Variants in TRPC6 observed in about 807,000 individuals in gnomAD.
TRPC6 encodes transient receptor potential cation channel subfamily C member 6.
TRPC6 carries 55 observed loss-of-function variants against 90.7 expected under a neutral mutation model. That is an observed-to-expected ratio of 0.61 (90% CI 0.49 to 0.76). The LOEUF (loss-of-function observed/expected upper bound fraction) is 0.76, where lower values mean the gene tolerates loss of function less well. Among genes scored for constraint, TRPC6 ranks in the 30% least tolerant of loss-of-function variants. The probability of loss-of-function intolerance (pLI) is 0.00; values close to 1 mark genes in which losing one functional copy is unlikely to be tolerated. For missense variants in TRPC6, 989 were observed against 1,122.7 expected (o/e 0.88, Z 1.70); for synonymous variants, 393 against 393.0 (o/e 1.00, Z 0.00).
At position 101,504,719 on chromosome 11, in the gene TRPC6, G is replaced by A; in HGVS notation, c.250C>T (p.Pro84Ser). The change falls in exon 2 of 13, where the codon CCA becomes TCA. Residue 84 changes from proline to serine, a missense_variant. Around this residue, in one of 4 missense-constraint regions of TRPC6, gnomAD observed 194 missense variants for 136.5 expected, o/e 1.42. Coordinates refer to ENST00000344327, the MANE Select transcript of TRPC6 (RefSeq NM_004621.6). ...GAGCGATCACTAAACATGTATGCTG[G>A]TCCTCGATTAGCTAACCTTCTCCCC... ...EKGRRLANRG[P>S]AYMFSDRSTS... The A allele has an allele frequency of 6.3e-7, 1 of 1,593,904 alleles. No individual in the cohort carries two copies. The highest frequency in any genetic ancestry group is 8.6e-7 in the Non-Finnish European group (1 of 1,169,112).
chr11:101,463,197 T>A (rs973909170), intron 10 of TRPC6, among the ~76,000 whole-genome samples: 48 of 152,220 alleles, frequency 3.2e-4, no homozygotes, highest in African/African-American at 1.2e-3. Flanking sequence ...GATGTGCTGC[T>A]GGATTCGGTT....
At chr11:101,454,878 A>G in intron 11 of TRPC6, 140 bp downstream of exon 11, 3 of 628,866 alleles carry the variant, frequency 4.8e-6, no homozygotes, top group Non-Finnish European at 5.4e-6. Context: ...TGCCTGGTAC[A>G]TGGTAATTAA....
In TRPC6 at chr11:101,583,402, C is replaced by T. The variant is rs1862248272; in HGVS notation, c.102G>A (p.Met34Ile). ...AGCCGTCTTCTCCCAGCTCCGAGTC[C>T]ATGAGCAGATAGTCCTGGCTCTCGT... ...RRNESQDYLLMDSELGEDGCP... is the reference protein window; with the variant it reads ...RRNESQDYLLIDSELGEDGCP... The change falls in exon 1 of 13, where the codon ATG (methionine) becomes ATA (isoleucine). Residue 34 changes from methionine to isoleucine, a missense_variant. This residue lies in a region of TRPC6 where 194 missense variants were observed against 136.5 expected (regional missense o/e 1.42). Coordinates refer to ENST00000344327, the MANE Select transcript of TRPC6 (RefSeq NM_004621.6). 2 of 1,587,470 alleles carry T rather than the reference C, an allele frequency of 1.3e-6. No individual in the cohort carries two copies. The highest frequency in any genetic ancestry group is 1.7e-6 in the Non-Finnish European group (2 of 1,166,782).
intron 1 of TRPC6, among the ~76,000 whole-genome samples, chr11:101,540,003 T>C (rs1376478406): frequency 1.3e-5 from 2 of 152,232 alleles, no homozygotes; most frequent in African/African-American, 4.8e-5. Flanking sequence ...TTTGAAATAC[T>C]AAATCATTTT....
chr11:101,566,557 T>G (rs117229108), intron 1 of TRPC6, among the ~76,000 whole-genome samples: 2,001 of 152,280 alleles, frequency 0.013, 14 homozygotes, highest in South Asian at 0.026. Flanking sequence ...CAAGAATATA[T>G]CACCCAGGTC....
At chr11:101,513,804 G>A (rs889901144) in intron 1 of TRPC6, among the ~76,000 whole-genome samples, 11 of 152,164 alleles carry the variant, frequency 7.2e-5, no homozygotes, top group African/African-American at 2.7e-4. Flanking sequence ...CTTATGTGGA[G>A]GGGGAGAACA....
intron 2 of TRPC6, among the ~76,000 whole-genome samples, chr11:101,493,704 G>A (rs949220673): frequency 6.6e-6 from 1 of 152,146 alleles, no homozygotes; most frequent in South Asian, 2.1e-4. Context: ...ACCCAGAACT[G>A]CAGATTTAAA....
rs202229148 is a variant in TRPC6, at chr11:101,583,636, G to C, written c.-133C>G. On this transcript the variant is annotated 5_prime_UTR_variant, in exon 1 of 13. Transcript: ENST00000344327. ...GGCAGACCGGTGCCCAGGGGACGACGGTGAAGCAGGGGGTGCAGACGCCCG... is the reference window on the plus strand; with the variant it reads ...GGCAGACCGGTGCCCAGGGGACGACCGTGAAGCAGGGGGTGCAGACGCCCG... The C allele has an allele frequency of 1.9e-5, 19 of 1,004,820 alleles. 1 individual carries two copies. Among genetic ancestry groups the C allele is most frequent in the Middle Eastern group, 3.3e-4 (1 of 2,994 alleles). 62.2% of individuals were successfully genotyped at this position (1,004,820 alleles called of 1,614,324 possible). A position where few individuals can be genotyped will look rare whatever the true frequency, so the allele number is the denominator to read the frequency against.
At chr11:101,525,487 A>G (rs1454717918) in intron 1 of TRPC6, among the ~76,000 whole-genome samples, 1 of 152,234 alleles carries the variant, frequency 6.6e-6, no homozygotes, top group East Asian at 1.9e-4. Context: ...GACAACACTC[A>G]TAGTTCTGGC....
chr11:101,535,328 A>G (rs1427161411), intron 1 of TRPC6, among the ~76,000 whole-genome samples: 1 of 152,174 alleles, frequency 6.6e-6, no homozygotes. Flanking sequence ...CAGAAGTAGC[A>G]TGTTCTAGTT....
At chr11:101,558,180 T>A (rs141963668) in intron 1 of TRPC6, among the ~76,000 whole-genome samples, 2 of 146,582 alleles carry the variant, frequency 1.4e-5, no homozygotes, top group African/African-American at 5.1e-5. Context: ...CACAAATATA[T>A]ATAAACATAC....
chr11:101,522,874 C>T (rs1860692639), intron 1 of TRPC6, among the ~76,000 whole-genome samples: 1 of 152,164 alleles, frequency 6.6e-6, no homozygotes, highest in Admixed American at 6.5e-5. Flanking sequence ...TGAGAAAATC[C>T]ATAAAATTTG....
At chr11:101,568,943 A>T (rs1241974204) in intron 1 of TRPC6, among the ~76,000 whole-genome samples, 1 of 152,208 alleles carries the variant, frequency 6.6e-6, no homozygotes, top group East Asian at 1.9e-4. Flanking sequence ...CGCTAAGAAG[A>T]AACTGCAACT....
chr11:101,562,742 G>C (rs1027975057), intron 1 of TRPC6, among the ~76,000 whole-genome samples: 4 of 152,144 alleles, frequency 2.6e-5, no homozygotes, highest in Non-Finnish European at 5.9e-5. Flanking sequence ...GTCCAAGAGA[G>C]TAAAGAATAA....
At chr11:101,550,450 T>G (rs145625109) in intron 1 of TRPC6, among the ~76,000 whole-genome samples, 1 of 151,730 alleles carries the variant, frequency 6.6e-6, no homozygotes, top group Non-Finnish European at 1.5e-5. Context: ...GATACTTTTT[T>G]CTTAATTTTA....
At chr11:101,575,066 T>C (rs559678818) in intron 1 of TRPC6, among the ~76,000 whole-genome samples, 35 of 152,314 alleles carry the variant, frequency 2.3e-4, no homozygotes, top group African/African-American at 8.2e-4. Flanking sequence ...TGGCAACTTA[T>C]ATTTTTAGAC....
chr11:101,528,461 A>G (rs928011330), intron 1 of TRPC6, among the ~76,000 whole-genome samples: 3 of 152,170 alleles, frequency 2.0e-5, no homozygotes, highest in Non-Finnish European at 4.4e-5. Context: ...TTTTGATATG[A>G]TCTATTATGA....
At chr11:101,514,314 G>A (rs1219170043) in intron 1 of TRPC6, among the ~76,000 whole-genome samples, 8 of 152,172 alleles carry the variant, frequency 5.3e-5, no homozygotes, top group African/African-American at 1.9e-4. Context: ...ACAGGGTGAT[G>A]AATGTTACCA....
intron 1 of TRPC6, among the ~76,000 whole-genome samples, chr11:101,535,171 AAAGAAAGGAAGGAAGGAAGGAAGG>A (rs1223516842): frequency 1.4e-4 from 18 of 127,212 alleles, no homozygotes; most frequent in East Asian, 9.7e-4. Context: ...GTCAGAAAGA[AAAGAAAGGAAGGAAGGAAGGAAGG>A]AAGGAAGGAA....
Sources: allele counts gnomAD v4.1 joint callset (sites outside exome capture counted in the v4.1 genomes callset), GRCh38; gene constraint gnomAD v4.1.1; regional missense constraint gnomAD v4.1.1; transcripts MANE v1.5; gene names NCBI Gene and HGNC (gene_info 2026-07-23, HGNC 2026-07-21).